The following PTPN2 variants were observed in gnomAD, a reference collection of about 807,000 sequenced individuals.
PTPN2 encodes the protein tyrosine-protein phosphatase non-receptor type 2.
A neutral mutation model predicts 57.3 loss-of-function variants in PTPN2; 19 were observed. The observed-to-expected ratio is 0.33, with a 90% CI of 0.23 to 0.49. PTPN2 has a LOEUF of 0.49. PTPN2 is among the 20% of genes least tolerant of loss of function. PTPN2 has a pLI of 0.99. For synonymous variants in PTPN2, 153 were observed against 164.9 expected (o/e 0.93, Z 0.55); for missense variants, 358 against 501.1 (o/e 0.71, Z 2.73).
Position 12,818,635 on chromosome 18 carries a change from A to G in PTPN2, c.496-1270T>C, listed in dbSNP as rs555294285. ...GTCTTCCACTAATATGTCTTTGTGC[A>G]ATTTTTCAGTTTTATTGTAGGAGGT... On this transcript the variant is annotated intron_variant, in intron 5 of 8. Transcript: ENST00000309660. Among the ~76,000 whole-genome samples the G allele has an allele frequency of 7.3e-5, 11 of 150,804 alleles. No homozygotes were observed. The South Asian group carries it at 2.3e-3, about 32-fold the overall frequency.
intron 1 of PTPN2, among the ~76,000 whole-genome samples, chr18:12,881,294 G>A (rs975377309): frequency 2.0e-5 from 3 of 152,102 alleles, no homozygotes; most frequent in Admixed American, 6.5e-5. Flanking sequence ...AAAATCAACC[G>A]GGCATGGTGG....
At chr18:12,817,522 T>A (rs751413814) in intron 5 of PTPN2, among the ~76,000 whole-genome samples, 157 bp from the exon 6 acceptor site, 23 of 152,214 alleles carry the variant, frequency 1.5e-4, no homozygotes, top group Non-Finnish European at 3.1e-4. Context: ...ATATACAAAC[T>A]AGGGAAGATT....
rs188577275 is a variant in PTPN2, at chr18:12,827,275, G to A, written c.361-1331C>T. On this transcript the variant is annotated intron_variant, in intron 4 of 8. Coordinates refer to ENST00000309660, the MANE Select transcript of PTPN2 (RefSeq NM_002828.4). ...GAAGAATGGCGTGAACCTGGGAGGC[G>A]GAGCTTGCAGTGAGTCGAGATAGCA... Among the ~76,000 whole-genome samples, 493 of 151,798 alleles carry A rather than the reference G, an allele frequency of 3.2e-3. 1 individual carries two copies. The highest frequency in any genetic ancestry group is 0.011 in the African/African-American group (459 of 41,342).
At chr18:12,867,033 A>C (rs139076537) in intron 1 of PTPN2, among the ~76,000 whole-genome samples, 1,966 of 151,730 alleles carry the variant, frequency 0.013, 18 homozygotes, top group African/African-American at 0.019. Flanking sequence ...AACAAACAAA[A>C]AAAAAAAACA....
In PTPN2 at chr18:12,870,282, TACATATAC is replaced by T. The variant is rs558569200; in HGVS notation, c.70-11036_70-11029del. 7.0e-3 allele frequency among the ~76,000 whole-genome samples: 514 copies of T among 73,346 alleles called. 15 individuals are homozygous for T. The highest frequency in any genetic ancestry group is 0.039 in the East Asian group (59 of 1,510). 48.1% of individuals were successfully genotyped at this position (73,346 alleles called of 152,430 possible). On this transcript the variant is annotated intron_variant, in intron 1 of 8. Transcript: ENST00000309660. The stretch of plus-strand genomic sequence containing the variant: ...GCATATATATATATATGTATATATA[TACATATAC>T]ATATATATGTGTATATATACATATA...
At chr18:12,810,401 G>A (rs111528070) in intron 7 of PTPN2, among the ~76,000 whole-genome samples, 19 of 152,038 alleles carry the variant, frequency 1.2e-4, no homozygotes, top group African/African-American at 4.3e-4. Flanking sequence ...ACCGTTCCCA[G>A]ATATGGCTAT....
At chr18:12,834,862 T>C (rs1413388331) in intron 3 of PTPN2, among the ~76,000 whole-genome samples, 1 of 152,136 alleles carries the variant, frequency 6.6e-6, no homozygotes, top group African/African-American at 2.4e-5. Context: ...GTGGTAATTC[T>C]TCTCTATTTT....
At position 12,870,417 on chromosome 18, in the gene PTPN2, A is replaced by ACG. The variant is rs1568169373; in HGVS notation, c.70-11164_70-11163insCG. Among the ~76,000 whole-genome samples, 7 of 59,938 alleles carry ACG rather than the reference A, an allele frequency of 1.2e-4. 1 individual carries two copies. Among genetic ancestry groups the ACG allele is most frequent in the Non-Finnish European group, 1.4e-4 (5 of 36,534 alleles). 39.3% of individuals were successfully genotyped at this position (59,938 alleles called of 152,430 possible). A position where few individuals can be genotyped will look rare whatever the true frequency, so the allele number is the denominator to read the frequency against. On this transcript the variant is annotated intron_variant, in intron 1 of 8. Coordinates refer to ENST00000309660, the MANE Select transcript of PTPN2 (RefSeq NM_002828.4). ...TGTATATATACACGTATATATATGT[A>ACG]TATATATACGTATATATATATGTGT...
At chr18:12,872,399 C>T (rs1252070816) in intron 1 of PTPN2, 2 of 152,190 alleles carry the variant, frequency 1.3e-5, no homozygotes, top group Non-Finnish European at 2.9e-5. Context: ...TATAAATGAT[C>T]AGTGACACGA....
In PTPN2 at chr18:12,884,196, C is replaced by A. The variant is rs2044783676; in HGVS notation, c.-55G>T. 51 of 1,439,186 alleles carry A rather than the reference C, an allele frequency of 3.5e-5. No individual in the cohort carries two copies. Among genetic ancestry groups the A allele is most frequent in the South Asian group, 1.5e-4 (12 of 79,222 alleles). The allele number at this position is 1,439,186 out of a possible 1,614,324, so 89.2% of individuals were successfully genotyped here. ...GCCTGCGCCGGCGGAGAGGCTCAGGCCCCGCACGATCCGGGGAGAGCGCTG... is the reference window on the plus strand; with the variant it reads ...GCCTGCGCCGGCGGAGAGGCTCAGGACCCGCACGATCCGGGGAGAGCGCTG... On this transcript the variant is annotated 5_prime_UTR_variant, in exon 1 of 9. Transcript: ENST00000309660.
intron 1 of PTPN2, chr18:12,864,167 T>A (rs1182710921): frequency 6.7e-6 from 1 of 148,316 alleles, no homozygotes; most frequent in Non-Finnish European, 1.5e-5. Flanking sequence ...TAAATGGAAC[T>A]GAGCTATTAT....
intron 1 of PTPN2, among the ~76,000 whole-genome samples, chr18:12,873,930 C>T (rs1171877863): frequency 1.3e-5 from 2 of 148,512 alleles, no homozygotes; most frequent in Non-Finnish European, 1.5e-5. Flanking sequence ...AGCGCCTCTG[C>T]CCGGTCGCGA....
At chr18:12,837,626 C>G (rs192688367) in intron 2 of PTPN2, among the ~76,000 whole-genome samples, 1 of 152,286 alleles carries the variant, frequency 6.6e-6, no homozygotes, top group Admixed American at 6.5e-5. Context: ...TGAATTAACT[C>G]AGAATCCTCA....
At chr18:12,870,421 A>G (rs1195713318) in intron 1 of PTPN2, among the ~76,000 whole-genome samples, 3 of 52,412 alleles carry the variant, frequency 5.7e-5, no homozygotes, top group African/African-American at 2.1e-4. Flanking sequence ...ATATGTATAT[A>G]TATACGTATA....
chr18:12,812,376 G>A (rs965848107), intron 7 of PTPN2, among the ~76,000 whole-genome samples: 1 of 152,122 alleles, frequency 6.6e-6, no homozygotes, highest in African/African-American at 2.4e-5. Context: ...CGAGGTGGGC[G>A]ATCACTTGAG....
rs181879890 is a variant in PTPN2 at position 12,795,118 on chromosome 18, G to C, written c.1041-633C>G. ...GCAGGAGCAGGAGTGGGAAGACAAGGGGGTACCACTTGCATCTGATCCCAT... is the reference window on the plus strand; with the variant it reads ...GCAGGAGCAGGAGTGGGAAGACAAGCGGGTACCACTTGCATCTGATCCCAT... On this transcript the variant is annotated intron_variant, in intron 8 of 8. Coordinates refer to ENST00000309660, the MANE Select transcript of PTPN2 (RefSeq NM_002828.4). Among the ~76,000 whole-genome samples, 199 of 152,264 alleles carry C rather than the reference G, an allele frequency of 1.3e-3. 2 individuals carry two copies. Among genetic ancestry groups the C allele is most frequent in the South Asian group, 2.9e-3 (14 of 4,822 alleles).
In PTPN2 at chr18:12,884,198, C is replaced by G. The variant is rs754003058; in HGVS notation, c.-57G>C. 7.0e-7 allele frequency: 1 copy of G among 1,422,192 alleles called. No individual in the cohort carries two copies. The highest frequency in any genetic ancestry group is 2.1e-4 in the Middle Eastern group (1 of 4,722). 88.1% of individuals were successfully genotyped at this position (1,422,192 alleles called of 1,614,324 possible). ...CTGCGCCGGCGGAGAGGCTCAGGCC[C>G]CGCACGATCCGGGGAGAGCGCTGGC... On this transcript the variant is annotated 5_prime_UTR_variant, in exon 1 of 9. Coordinates refer to ENST00000309660, the MANE Select transcript of PTPN2 (RefSeq NM_002828.4).
intron 7 of PTPN2, among the ~76,000 whole-genome samples, chr18:12,813,169 T>G (rs9958288): frequency 1.3e-5 from 2 of 152,176 alleles, no homozygotes; most frequent in African/African-American, 4.8e-5. Flanking sequence ...TGAACTACTT[T>G]TCTTTTTGAA....
chr18:12,821,183 T>C (rs1394201651), intron 5 of PTPN2, among the ~76,000 whole-genome samples: 10 of 151,800 alleles, frequency 6.6e-5, no homozygotes, highest in Admixed American at 6.5e-4. Context: ...AAGCCCCAGT[T>C]CTGTCATCTG....
Sources: gnomAD v4.1 joint callset for allele counts (sites outside exome capture counted in the v4.1 genomes callset) on GRCh38, gnomAD v4.1.1 for gene constraint, MANE v1.5 for transcripts, NCBI Gene and HGNC (gene_info 2026-07-23, HGNC 2026-07-21) for gene names.